Variants in SCAF4 observed in about 807,000 individuals in gnomAD.
The protein encoded by SCAF4 is SR-related and CTD-associated factor 4.
A neutral mutation model predicts 129.8 loss-of-function variants in SCAF4; 25 were observed. That is an observed-to-expected ratio of 0.19 (90% CI 0.14 to 0.27). The LOEUF is 0.27. Among genes scored for constraint, SCAF4 ranks in the 10% least tolerant of loss-of-function variants. The pLI, the probability that SCAF4 is intolerant of heterozygous loss-of-function variation, is 1.00. For synonymous variants in SCAF4, 551 were observed against 497.7 expected (o/e 1.11, Z -1.43); for missense variants, 1,246 against 1,457.1 (o/e 0.86, Z 2.36).
In SCAF4 at chr21:31,671,395, G is replaced by A; in HGVS notation, c.*4C>T. On this transcript the variant is annotated 3_prime_UTR_variant, in exon 20 of 20. Coordinates refer to ENST00000286835, the MANE Select transcript of SCAF4 (RefSeq NM_020706.2). ...CACTGTCACATTTTCACAAATTCCA[G>A]TCTCTAACGAGGAGCCTCTGCTGCT... The A allele has an allele frequency of 6.2e-7, 1 of 1,611,234 alleles. No individual in the cohort carries two copies. Among genetic ancestry groups the A allele is most frequent in the Non-Finnish European group, 8.5e-7 (1 of 1,178,478 alleles).
chr21:31,692,017 C>T, intron 13 of SCAF4, 87 bp from the exon 14 acceptor site: 1 of 672,898 alleles, frequency 1.5e-6, no homozygotes, highest in Non-Finnish European at 2.5e-6. Flanking sequence ...CCAACAATCC[C>T]ATCCCTCACC....
chr21:31,696,128 A>C lies in SCAF4; in HGVS notation c.1053T>G (p.Asp351Glu). The stretch of plus-strand genomic sequence containing the variant: ...ATGCTTGTACCTGATGGTGCATTGG[A>C]TCCTGTTGTATTCCCATCATTCGTG... ...FQPRMMGIQQ[D>E]PMHHQVPLPP... The change falls in exon 9 of 20, where the codon GAT (aspartate) becomes GAG (glutamate). Residue 351 changes from aspartate (D) to glutamate (E), a missense_variant. Transcript: ENST00000286835. 6.2e-7 allele frequency: 1 copy of C among 1,611,856 alleles called. No homozygotes were observed. Among genetic ancestry groups the C allele is most frequent in the Non-Finnish European group, 8.5e-7 (1 of 1,178,088 alleles).
At chr21:31,705,254 T>C (rs763105296) in intron 3 of SCAF4, among the ~76,000 whole-genome samples, 169 bp downstream of exon 3, 33 of 152,296 alleles carry the variant, frequency 2.2e-4, no homozygotes, top group Non-Finnish European at 3.8e-4. Flanking sequence ...AAGTACCAAT[T>C]AATGGTACTG....
intron 1 of SCAF4, among the ~76,000 whole-genome samples, chr21:31,712,607 C>A (rs915521438): frequency 6.8e-6 from 1 of 147,804 alleles, no homozygotes; most frequent in Non-Finnish European, 1.5e-5. Flanking sequence ...CGGCTCACTG[C>A]AACCTCCGCC....
intron 16 of SCAF4, among the ~76,000 whole-genome samples, chr21:31,687,602 A>G (rs1275975169): frequency 6.6e-6 from 1 of 152,204 alleles, no homozygotes; most frequent in Admixed American, 6.5e-5. Context: ...CAATCCATTT[A>G]AAAATTTCAT....
chr21:31,688,637 A>G (rs1222306691), intron 15 of SCAF4, among the ~76,000 whole-genome samples, 173 bp from the exon 16 acceptor site: 1 of 152,244 alleles, frequency 6.6e-6, no homozygotes, highest in Non-Finnish European at 1.5e-5. Flanking sequence ...ATGTAAAAGA[A>G]TGCATACTGT....
intron 1 of SCAF4, among the ~76,000 whole-genome samples, chr21:31,712,307 TC>T (rs1386844029): frequency 3.4e-5 from 5 of 148,838 alleles, no homozygotes; most frequent in Non-Finnish European, 7.4e-5. Flanking sequence ...AACCTCTGCC[TC>T]CCGGTTTCAA....
Position 31,713,463 on chromosome 21 carries a change from T to C in SCAF4, c.31-7106A>G, listed in dbSNP as rs554163264. On this transcript the variant is annotated intron_variant, in intron 1 of 19. Coordinates refer to ENST00000286835, the MANE Select transcript of SCAF4 (RefSeq NM_020706.2). Reference sequence around the variant, plus strand: ...CACCTAGCACAGAGTAAATACACAATAGATATTAATGAGTACTACACGTAA... The same window carrying C: ...CACCTAGCACAGAGTAAATACACAACAGATATTAATGAGTACTACACGTAA... 8.9e-4 allele frequency among the ~76,000 whole-genome samples: 135 copies of C among 152,158 alleles called. 1 individual carries two copies. The South Asian group carries it at 0.024, about 27-fold the overall frequency.
chr21:31,717,860 C>T (rs1304263363), intron 1 of SCAF4, among the ~76,000 whole-genome samples: 16 of 125,540 alleles, frequency 1.3e-4, no homozygotes, highest in South Asian at 4.6e-4. Context: ...CACACACACA[C>T]ACACACACAC....
At chr21:31,672,479 ACT>A in intron 19 of SCAF4, 125 bp from the exon 20 acceptor site, 1 of 794,200 alleles carries the variant, frequency 1.3e-6, no homozygotes, top group Non-Finnish European at 2.1e-6. Context: ...ATAGTTTGCC[ACT>A]CTGTCACAAA....
intron 1 of SCAF4, among the ~76,000 whole-genome samples, chr21:31,716,243 C>T (rs1373127480): frequency 2.6e-5 from 4 of 152,054 alleles, no homozygotes; most frequent in Admixed American, 6.5e-5. Flanking sequence ...TACTTTGTAA[C>T]GGATTACACT....
At chr21:31,698,096 TCA>T (rs1401078343) in intron 7 of SCAF4, among the ~76,000 whole-genome samples, 4 of 152,152 alleles carry the variant, frequency 2.6e-5, no homozygotes, top group African/African-American at 9.7e-5. Context: ...CCTATGATCT[TCA>T]CAGTTTATTA....
intron 1 of SCAF4, among the ~76,000 whole-genome samples, chr21:31,726,932 T>C (rs1029904777): frequency 6.6e-6 from 1 of 152,128 alleles, no homozygotes; most frequent in Non-Finnish European, 1.5e-5. Flanking sequence ...ACTAAATTAT[T>C]TGATTGCCTC....
intron 7 of SCAF4, among the ~76,000 whole-genome samples, chr21:31,698,923 T>C (rs917031297): frequency 3.3e-5 from 5 of 152,200 alleles, no homozygotes; most frequent in East Asian, 1.9e-4. Flanking sequence ...AGAATCTAGA[T>C]AGACAGATGC....
At position 31,693,334 on chromosome 21, in the gene SCAF4, T is replaced by A. The variant is rs542786600; in HGVS notation, c.1473A>T (p.Arg491=). The A allele has an allele frequency of 6.5e-7, 1 of 1,527,502 alleles. No individual in the cohort carries two copies. Among genetic ancestry groups the A allele is most frequent in the African/African-American group, 1.4e-5 (1 of 71,982 alleles). 94.6% of individuals were successfully genotyped at this position (1,527,502 alleles called of 1,614,324 possible). The change falls in exon 12 of 20, where the codon CGA becomes CGT. Residue 491 remains arginine (R), a synonymous_variant. Coordinates refer to ENST00000286835, the MANE Select transcript of SCAF4 (RefSeq NM_020706.2). The part of the protein sequence containing the change: ...RRDREKERER[R]QKGLPQVKPE... ...GTTTCACTTGAGGGAGGCCTTTTTG[T>A]CGACGTTCTCTCTCTTTTTCTCGAT... is the stretch of plus-strand genomic sequence containing the variant.
At chr21:31,710,594 C>A (rs1184316610) in intron 1 of SCAF4, among the ~76,000 whole-genome samples, 1 of 151,986 alleles carries the variant, frequency 6.6e-6, no homozygotes, top group Non-Finnish European at 1.5e-5. Context: ...AACAGAAGAA[C>A]AACATACATA....
At position 31,671,453 on chromosome 21, in the gene SCAF4, G is replaced by A. The variant is rs1215317656; in HGVS notation, c.3390C>T (p.Thr1130=). Residue 1130 remains threonine, a synonymous_variant, in exon 20 of 20, where the codon ACC becomes ACT. Coordinates refer to ENST00000286835, the MANE Select transcript of SCAF4 (RefSeq NM_020706.2). ...AATCCTTTTCGGGTTCAACGGATGA[G>A]GTAGCCTCAGCAGGTAACTCTTCAG... ...KPSEELPAEA[T]SSVEPEKDSG... is the part of the protein sequence containing the mutation. The A allele has an allele frequency of 3.1e-6, 5 of 1,613,942 alleles. No homozygotes were observed. In the Admixed American group the frequency reaches 5.0e-5, roughly 16 times the overall value.
At chr21:31,673,968 A>C (rs984271061) in intron 19 of SCAF4, among the ~76,000 whole-genome samples, 4 of 152,248 alleles carry the variant, frequency 2.6e-5, no homozygotes, top group African/African-American at 9.6e-5. Context: ...GCCAAATTAT[A>C]ATATAACACC....
At chr21:31,725,927 TTTA>T (rs1280691933) in intron 1 of SCAF4, among the ~76,000 whole-genome samples, 2 of 152,206 alleles carry the variant, frequency 1.3e-5, no homozygotes, top group Non-Finnish European at 2.9e-5. Flanking sequence ...TTGTAATAAG[TTTA>T]TTGTTATTTT....
Sources: allele counts gnomAD v4.1 joint callset (sites outside exome capture counted in the v4.1 genomes callset), GRCh38; gene constraint gnomAD v4.1.1; transcripts MANE v1.5; gene names NCBI Gene and HGNC (gene_info 2026-07-23, HGNC 2026-07-21).